Variants in XYLT1 observed in about 807,000 individuals in gnomAD.
The protein encoded by XYLT1 is beta-D-xylosyltransferase 1.
In XYLT1, 36 loss-of-function variants were observed where a neutral mutation model predicts 91.3. That is an observed-to-expected ratio of 0.39 (90% CI 0.30 to 0.52). The LOEUF (loss-of-function observed/expected upper bound fraction) is 0.52, where lower values mean the gene tolerates loss of function less well. Ranked by LOEUF, XYLT1 falls within the 20% of genes least tolerant of loss-of-function variation. XYLT1 has a pLI of 0.68. For missense variants in XYLT1, 1,242 were observed against 1,284.5 expected, an observed-to-expected ratio of 0.97 and a Z score of 0.51; for synonymous variants, 588 against 532.0, an observed-to-expected ratio of 1.11 and a Z score of -1.45.
chr16:17,468,531 A>G (rs914614521), intron 1 of XYLT1, among the ~76,000 whole-genome samples: 5 of 152,152 alleles, frequency 3.3e-5, no homozygotes, highest in Admixed American at 1.3e-4. Flanking sequence ...AGTAAAAAGG[A>G]AAATAGTGTG....
At position 17,158,904 on chromosome 16, in the gene XYLT1, T is replaced by A. The variant is rs1312329687; in HGVS notation, c.1295A>T (p.Asn432Ile). 7 of 1,613,990 alleles carry A rather than the reference T, an allele frequency of 4.3e-6. No homozygotes were observed. Among genetic ancestry groups the A allele is most frequent in the Non-Finnish European group, 5.9e-6 (7 of 1,180,012 alleles). ...LSAADYPIRT[N>I]DQLVAFLSRY... is the part of the protein sequence containing the mutation. ...GGAGAGAAACGCCACCAACTGGTCATTTGTCCTGTGGAAACAAACCAAGGG... is the reference window on the plus strand; with the variant it reads ...GGAGAGAAACGCCACCAACTGGTCAATTGTCCTGTGGAAACAAACCAAGGG... The change falls in exon 6 of 12, where the codon AAT becomes ATT. Residue 432 changes from asparagine (N) to isoleucine (I), a missense_variant. Around this residue, in one of 3 missense-constraint regions of XYLT1, gnomAD observed 294 missense variants for 376.0 expected, o/e 0.78. Transcript: ENST00000261381.
At chr16:17,300,771 TA>T (rs1452630166) in intron 2 of XYLT1, among the ~76,000 whole-genome samples, 1 of 151,940 alleles carries the variant, frequency 6.6e-6, no homozygotes, top group South Asian at 2.1e-4. Flanking sequence ...ATGCAGCTAT[TA>T]AAAAGAATGG....
intron 2 of XYLT1, among the ~76,000 whole-genome samples, chr16:17,310,342 C>T (rs1202895633): frequency 6.6e-6 from 1 of 152,158 alleles, no homozygotes; most frequent in South Asian, 2.1e-4. Flanking sequence ...GGGAAAGGCT[C>T]CTGTTCCCTT....
chr16:17,315,458 C>T (rs984931087), intron 2 of XYLT1, among the ~76,000 whole-genome samples: 4 of 152,236 alleles, frequency 2.6e-5, no homozygotes, highest in Non-Finnish European at 4.4e-5. Flanking sequence ...TCCCCTAACT[C>T]TCAATTCTAG....
At chr16:17,269,789 C>G (rs1045621331) in intron 2 of XYLT1, among the ~76,000 whole-genome samples, 1 of 94,002 alleles carries the variant, frequency 1.1e-5, no homozygotes, top group African/African-American at 5.3e-5. Flanking sequence ...CTCTCCTTCT[C>G]CCTTTATTAT....
intron 3 of XYLT1, among the ~76,000 whole-genome samples, chr16:17,244,501 T>A (rs1026639484): frequency 6.6e-6 from 1 of 152,176 alleles, no homozygotes; most frequent in African/African-American, 2.4e-5. Context: ...TACAGGCTTT[T>A]CACAGGGCAG....
intron 7 of XYLT1, 104 bp from the exon 8 acceptor site, chr16:17,138,635 G>A (rs1035194995): frequency 1.6e-5 from 22 of 1,379,846 alleles, no homozygotes; most frequent in Non-Finnish European, 2.0e-5. Context: ...GTAAGAACTG[G>A]TTGTTTAAAA....
At chr16:17,161,720 ACT>A (rs1382100565) in intron 5 of XYLT1, among the ~76,000 whole-genome samples, 1 of 139,996 alleles carries the variant, frequency 7.1e-6, no homozygotes, top group East Asian at 2.0e-4. Context: ...CACGTTTCTC[ACT>A]CTCTTTTTCT....
chr16:17,318,850 C>T (rs2034675175), intron 2 of XYLT1, among the ~76,000 whole-genome samples: 1 of 150,704 alleles, frequency 6.6e-6, no homozygotes, highest in Admixed American at 6.6e-5. Flanking sequence ...GGCAGTGGCA[C>T]GATCTCAGCT....
intron 8 of XYLT1, chr16:17,137,569 C>T (rs2030785421): frequency 6.6e-6 from 1 of 151,740 alleles, no homozygotes. Context: ...GGGAGCAGAG[C>T]AGGAAGGGGT....
At chr16:17,442,741 C>T (rs1363616134) in intron 1 of XYLT1, among the ~76,000 whole-genome samples, 3 of 152,306 alleles carry the variant, frequency 2.0e-5, no homozygotes, top group East Asian at 3.9e-4. Context: ...TTCCCTCTTC[C>T]CCATCTCCTG....
At chr16:17,406,593 G>A (rs551425049) in intron 1 of XYLT1, among the ~76,000 whole-genome samples, 1 of 152,328 alleles carries the variant, frequency 6.6e-6, no homozygotes, top group East Asian at 1.9e-4. Context: ...GCAGGGAGCT[G>A]ATGAGTCATT....
At chr16:17,399,254 G>T (rs1056920783) in intron 1 of XYLT1, among the ~76,000 whole-genome samples, 3 of 152,152 alleles carry the variant, frequency 2.0e-5, no homozygotes, top group Non-Finnish European at 4.4e-5. Context: ...CGGAGGCTGA[G>T]ATGCTCAAGG....
intron 2 of XYLT1, among the ~76,000 whole-genome samples, chr16:17,287,920 T>C (rs1436422618): frequency 6.6e-6 from 1 of 150,430 alleles, no homozygotes; most frequent in Non-Finnish European, 1.5e-5. Flanking sequence ...TGCCAGGAAC[T>C]CTATTAGGCA....
chr16:17,129,094 A>C (rs1279979111), intron 9 of XYLT1, among the ~76,000 whole-genome samples: 6 of 147,470 alleles, frequency 4.1e-5, no homozygotes, highest in Non-Finnish European at 9.1e-5. Context: ...AAAAAAAAAA[A>C]AAACTTGAAC....
At chr16:17,394,411 C>T (rs1488752270) in intron 1 of XYLT1, among the ~76,000 whole-genome samples, 1 of 152,180 alleles carries the variant, frequency 6.6e-6, no homozygotes, top group Admixed American at 6.5e-5. Context: ...CCACCAAGTC[C>T]AACCCTGCCA....
intron 2 of XYLT1, among the ~76,000 whole-genome samples, chr16:17,274,973 T>G (rs2033951285): frequency 6.6e-6 from 1 of 152,046 alleles, no homozygotes; most frequent in South Asian, 2.1e-4. Context: ...GCCCAAGAGT[T>G]CAAGAGTAGC....
chr16:17,417,923 T>TG (rs1234355343), intron 1 of XYLT1, among the ~76,000 whole-genome samples: 1 of 152,216 alleles, frequency 6.6e-6, no homozygotes, highest in African/African-American at 2.4e-5. Context: ...GGATAGACCA[T>TG]GTCTGATGCA....
intron 1 of XYLT1, among the ~76,000 whole-genome samples, chr16:17,451,925 C>T (rs1486858032): frequency 1.3e-5 from 2 of 152,182 alleles, no homozygotes; most frequent in African/African-American, 2.4e-5. Context: ...CTTAACTATT[C>T]TTAAAAATGA....
Sources: allele counts gnomAD v4.1 joint callset (sites outside exome capture counted in the v4.1 genomes callset), GRCh38; gene constraint gnomAD v4.1.1; regional missense constraint gnomAD v4.1.1; transcripts MANE v1.5; gene names NCBI Gene and HGNC (gene_info 2026-07-23, HGNC 2026-07-21).